RSF1: variants seen among roughly 807,000 people sequenced by gnomAD.
RSF1 encodes the protein HBV pX-associated protein 8.
RSF1 carries 13 observed loss-of-function variants against 145.2 expected under a neutral mutation model. The observed-to-expected ratio is 0.09, with a 90% confidence interval of 0.06 to 0.14. The LOEUF is 0.14. Ranked by LOEUF, RSF1 falls within the 10% of genes least tolerant of loss-of-function variation. The probability of loss-of-function intolerance (pLI) is 1.00; values close to 1 mark genes in which losing one functional copy is unlikely to be tolerated. For missense variants in RSF1, 1,517 were observed against 1,718.2 expected (o/e 0.88, Z 2.07); for synonymous variants, 577 against 592.6 (o/e 0.97, Z 0.38).
intron 1 of RSF1, among the ~76,000 whole-genome samples, chr11:77,787,639 C>T (rs747496696): frequency 5.3e-5 from 8 of 152,026 alleles, no homozygotes; most frequent in Non-Finnish European, 7.4e-5. Flanking sequence ...AACGCATATC[C>T]AGTCCCACTT....
At chr11:77,671,160 TA>T in intron 15 of RSF1, among the ~76,000 whole-genome samples, 8 of 79,842 alleles carry the variant, frequency 1.0e-4, no homozygotes, top group African/African-American at 4.2e-4. Flanking sequence ...TATATATATA[TA>T]TATATATATA....
At chr11:77,761,548 G>GT (rs1948171952) in intron 2 of RSF1, among the ~76,000 whole-genome samples, 1 of 152,120 alleles carries the variant, frequency 6.6e-6, no homozygotes, top group Admixed American at 6.6e-5. Flanking sequence ...AGAAGTAGAG[G>GT]TGCAGGTACT....
chr11:77,814,580 G>T (rs1325414211), intron 1 of RSF1, among the ~76,000 whole-genome samples: 2 of 152,128 alleles, frequency 1.3e-5, no homozygotes, highest in African/African-American at 4.8e-5. Flanking sequence ...CGAGTAGCTG[G>T]GATTACAGGC....
chr11:77,683,128 T>C (rs925035195), intron 11 of RSF1, among the ~76,000 whole-genome samples: 4 of 151,454 alleles, frequency 2.6e-5, no homozygotes, highest in African/African-American at 9.7e-5. Context: ...CCGTCTCTAC[T>C]AAAAATACAA....
intron 1 of RSF1, among the ~76,000 whole-genome samples, chr11:77,782,117 C>G (rs1948410110): frequency 6.6e-6 from 1 of 152,172 alleles, no homozygotes; most frequent in Admixed American, 6.5e-5. Flanking sequence ...TTTCTATAGA[C>G]AGCATATACC....
At chr11:77,703,200 A>G (rs913129792) in intron 5 of RSF1, 6 of 152,196 alleles carry the variant, frequency 3.9e-5, no homozygotes, top group African/African-American at 1.4e-4. Context: ...ACCACTGAAC[A>G]TTTCAGAAGT....
intron 14 of RSF1, among the ~76,000 whole-genome samples, chr11:77,673,144 T>C (rs940033186): frequency 4.6e-5 from 7 of 152,220 alleles, no homozygotes; most frequent in Admixed American, 1.3e-4. Context: ...CATAATGTAT[T>C]GCAGAGGTTA....
intron 14 of RSF1, among the ~76,000 whole-genome samples, chr11:77,674,229 G>A (rs189419597): frequency 2.2e-4 from 33 of 152,240 alleles, no homozygotes; most frequent in African/African-American, 7.9e-4. Context: ...CCACAAGGAT[G>A]GCCAGAGTCT....
intron 1 of RSF1, among the ~76,000 whole-genome samples, chr11:77,771,883 T>G (rs1343800794): frequency 6.6e-6 from 1 of 152,216 alleles, no homozygotes; most frequent in African/African-American, 2.4e-5. Context: ...TAATGATGGC[T>G]TGGACTAAGG....
chr11:77,827,636 A>G, the RSF1 span, among the ~76,000 whole-genome samples: 1 of 152,258 alleles, frequency 6.6e-6, no homozygotes, highest in Non-Finnish European at 1.5e-5. Context: ...CAGCCTGATT[A>G]AGAGCATTAT....
intron 5 of RSF1, among the ~76,000 whole-genome samples, chr11:77,709,081 G>C (rs1451691919): frequency 6.6e-6 from 1 of 152,190 alleles, no homozygotes; most frequent in Non-Finnish European, 1.5e-5. Context: ...TAAGTAAGCA[G>C]GGTTGTGCCA....
the RSF1 span, among the ~76,000 whole-genome samples, chr11:77,831,611 T>C: frequency 1.3e-5 from 2 of 151,860 alleles, no homozygotes; most frequent in Non-Finnish European, 2.9e-5. Flanking sequence ...TTGATTTTAC[T>C]CTCCCAAGCC....
intron 5 of RSF1, among the ~76,000 whole-genome samples, chr11:77,713,904 C>G (rs993958191): frequency 3.3e-5 from 5 of 152,174 alleles, no homozygotes; most frequent in Non-Finnish European, 7.4e-5. Flanking sequence ...CTTGTTCTCT[C>G]TTGTTCTTAT....
In RSF1 at chr11:77,733,557, ATTTTTT is replaced by A. The variant is rs11353278; in HGVS notation, c.578+7168_578+7173del. Reference sequence around the variant, plus strand: ...CCACCTTGTTATGTTTACATCTTTGATTTTTTTTTTTTTTTTTTTTGAGACACAGGG... The same window carrying A: ...CCACCTTGTTATGTTTACATCTTTGATTTTTTTTTTTTTTGAGACACAGGG... On this transcript the variant is annotated intron_variant, in intron 4 of 15. Transcript: ENST00000308488. Among the ~76,000 whole-genome samples, 48 of 124,276 alleles carry A rather than the reference ATTTTTT, an allele frequency of 3.9e-4. 1 individual carries two copies. The highest frequency in any genetic ancestry group is 1.3e-3 in the African/African-American group (43 of 31,968). The allele number at this position is 124,276 out of a possible 152,430, so 81.5% of individuals were successfully genotyped here.
chr11:77,678,090 T>C lies in RSF1; in HGVS notation c.3129A>G (p.Gly1043=), dbSNP rs770052424. The part of the protein sequence containing the change: ...AIEDDIKEAD[G]GGVGRGKDIS... ...GAGAGAACGACAAACACATACCTCC[T>C]CCATCGGCTTCTTTGATGTCATCTT... The change falls in exon 12 of 16, where the codon GGA becomes GGG. Residue 1043 remains glycine (G), a synonymous_variant. Coordinates refer to ENST00000308488, the MANE Select transcript of RSF1 (RefSeq NM_016578.4). 5 of 1,611,034 alleles carry C rather than the reference T, an allele frequency of 3.1e-6. No homozygotes were observed. In the South Asian group the frequency reaches 4.4e-5, roughly 14 times the overall value.
chr11:77,660,664 T>A lies in RSF1; in HGVS notation c.*6253A>T, dbSNP rs1959222972. The A allele has an allele frequency of 6.6e-6, 1 of 152,142 alleles. No homozygotes were observed. The allele number at this position is 152,142 out of a possible 1,614,324, so 9.4% of individuals were successfully genotyped here. On this transcript the variant is annotated 3_prime_UTR_variant, in exon 16 of 16. Coordinates refer to ENST00000308488, the MANE Select transcript of RSF1 (RefSeq NM_016578.4). Reference sequence around the variant, plus strand: ...AAAATTCAAGAGGCATTCTGATCAGTCCCTGAATTCCAGCTATTACTTTAA... The same window carrying A: ...AAAATTCAAGAGGCATTCTGATCAGACCCTGAATTCCAGCTATTACTTTAA...
chr11:77,698,013 TTATC>T (rs1960324607), intron 7 of RSF1, among the ~76,000 whole-genome samples: 1 of 152,176 alleles, frequency 6.6e-6, no homozygotes, highest in African/African-American at 2.4e-5. Flanking sequence ...TCTTACCTAT[TTATC>T]TATCCAGCCA....
the RSF1 span, among the ~76,000 whole-genome samples, chr11:77,853,491 A>T: frequency 6.6e-6 from 1 of 152,136 alleles, no homozygotes; most frequent in African/African-American, 2.4e-5. Flanking sequence ...CGAGAACAGC[A>T]AGGGGGATAT....
At chr11:77,816,405 T>C (rs1487223414) in intron 1 of RSF1, among the ~76,000 whole-genome samples, 1 of 152,230 alleles carries the variant, frequency 6.6e-6, no homozygotes, top group Non-Finnish European at 1.5e-5. Flanking sequence ...AAGTTATAGT[T>C]ACAATTCCAG....
Sources: gnomAD v4.1 joint callset for allele counts (sites outside exome capture counted in the v4.1 genomes callset) on GRCh38, gnomAD v4.1.1 for gene constraint, MANE v1.5 for transcripts, NCBI Gene and HGNC (gene_info 2026-07-23, HGNC 2026-07-21) for gene names.